CNIH3: variants seen among roughly 807,000 people sequenced by gnomAD.
CNIH3 encodes the protein protein cornichon homolog 3.
In CNIH3, 14 loss-of-function variants were observed where a neutral mutation model predicts 24.1. That is an observed-to-expected ratio of 0.58 (90% confidence interval 0.38 to 0.91). The LOEUF (loss-of-function observed/expected upper bound fraction) is 0.91. Ranked by LOEUF, CNIH3 falls within the 40% of genes least tolerant of loss-of-function variation. The pLI, the probability that CNIH3 is intolerant of heterozygous loss-of-function variation, is 0.00. For missense variants in CNIH3, 178 were observed against 196.8 expected, an observed-to-expected ratio of 0.90 and a Z score of 0.57; for synonymous variants, 68 against 73.8, an observed-to-expected ratio of 0.92 and a Z score of 0.40.
intron 4 of CNIH3, among the ~76,000 whole-genome samples, chr1:224,571,570 C>T (rs1680818546): frequency 6.6e-6 from 1 of 151,920 alleles, no homozygotes; most frequent in Admixed American, 6.6e-5. Flanking sequence ...ACTAAAAATA[C>T]AAAAATTAAC....
chr1:224,682,188 C>T (rs528534225), intron 2 of CNIH3, among the ~76,000 whole-genome samples: 1 of 152,298 alleles, frequency 6.6e-6, no homozygotes, highest in East Asian at 1.9e-4. Flanking sequence ...CTGGAGTTGT[C>T]ATTTTTTTGA....
intron 1 of CNIH3, among the ~76,000 whole-genome samples, chr1:224,644,731 C>T (rs191075914): frequency 2.6e-5 from 4 of 152,324 alleles, no homozygotes; most frequent in East Asian, 1.9e-4. Context: ...AATGCTCAAC[C>T]GTTGCCACTA....
chr1:224,508,235 T>A (rs1366774884), intron 1 of CNIH3, among the ~76,000 whole-genome samples: 1 of 152,236 alleles, frequency 6.6e-6, no homozygotes, highest in Non-Finnish European at 1.5e-5. Flanking sequence ...TCAGATATGT[T>A]TTTTTCTAGA....
intron 3 of CNIH3, among the ~76,000 whole-genome samples, chr1:224,687,279 T>G (rs1686708506): frequency 6.6e-6 from 1 of 152,220 alleles, no homozygotes. Flanking sequence ...CCACCTAGGC[T>G]GGAGTGCAGG....
chr1:224,666,352 A>G (rs1463598628), intron 1 of CNIH3, among the ~76,000 whole-genome samples: 1 of 152,188 alleles, frequency 6.6e-6, no homozygotes, highest in East Asian at 1.9e-4. Flanking sequence ...CAGCAGGGTC[A>G]TGTCCTGTAT....
chr1:224,678,975 A>G (rs1032750333), intron 1 of CNIH3, among the ~76,000 whole-genome samples: 1 of 152,062 alleles, frequency 6.6e-6, no homozygotes, highest in South Asian at 2.1e-4. Flanking sequence ...CTACTACTCA[A>G]CCCTGCCGTT....
At chr1:224,655,782 C>T (rs949930297) in intron 1 of CNIH3, among the ~76,000 whole-genome samples, 2 of 152,114 alleles carry the variant, frequency 1.3e-5, no homozygotes, top group African/African-American at 4.8e-5. Context: ...GAGATCAGTC[C>T]CAAACACATC....
chr1:224,583,763 C>G (rs1012604152), intron 5 of CNIH3, among the ~76,000 whole-genome samples: 2 of 152,106 alleles, frequency 1.3e-5, no homozygotes, highest in Non-Finnish European at 2.9e-5. Flanking sequence ...TGTTATATTC[C>G]CTGGCTAAAA....
At chr1:224,559,113 T>C (rs1041671553) in intron 3 of CNIH3, among the ~76,000 whole-genome samples, 2 of 152,176 alleles carry the variant, frequency 1.3e-5, no homozygotes, top group African/African-American at 4.8e-5. Flanking sequence ...GTTTCATCTT[T>C]CCTTGCAATT....
chr1:224,581,619 T>G (rs1681277029), intron 4 of CNIH3, among the ~76,000 whole-genome samples: 1 of 152,250 alleles, frequency 6.6e-6, no homozygotes, highest in African/African-American at 2.4e-5. Context: ...TAAATTGTGC[T>G]TCTTTTGAAA....
intron 3 of CNIH3, among the ~76,000 whole-genome samples, chr1:224,721,581 A>C (rs1688725727): frequency 6.6e-6 from 1 of 152,210 alleles, no homozygotes; most frequent in Non-Finnish European, 1.5e-5. Flanking sequence ...GTGTGAAGAA[A>C]CTGGCAGAGG....
chr1:224,693,182 C>T (rs982649281), intron 3 of CNIH3, among the ~76,000 whole-genome samples: 2 of 152,104 alleles, frequency 1.3e-5, no homozygotes, highest in East Asian at 1.9e-4. Flanking sequence ...TTCCTTGATG[C>T]GTAAACTGTG....
chr1:224,699,872 T>C (rs1687387651), intron 3 of CNIH3, among the ~76,000 whole-genome samples: 2 of 152,140 alleles, frequency 1.3e-5, no homozygotes, highest in African/African-American at 4.8e-5. Context: ...GGTTGCCATG[T>C]GGGGGTCATT....
intron 2 of CNIH3, among the ~76,000 whole-genome samples, chr1:224,544,754 C>T (rs747329448): frequency 6.6e-6 from 1 of 152,196 alleles, no homozygotes; most frequent in Non-Finnish European, 1.5e-5. Context: ...GGCACTACTA[C>T]GACCACCACC....
chr1:224,533,042 T>C (rs1340952948), intron 2 of CNIH3, among the ~76,000 whole-genome samples: 3 of 152,158 alleles, frequency 2.0e-5, no homozygotes, highest in Non-Finnish European at 4.4e-5. Flanking sequence ...GAGAAATTTA[T>C]GTGGGCTGGC....
In CNIH3 at chr1:224,510,215, G is replaced by A. The variant is rs184879753; in HGVS notation, n.204-5526G>A. Among the ~76,000 whole-genome samples, 580 of 152,288 alleles carry A rather than the reference G, an allele frequency of 3.8e-3. 3 individuals carry two copies. The highest frequency in any genetic ancestry group is 5.4e-3 in the Non-Finnish European group (369 of 68,026). On this transcript the variant is annotated intron_variant and non_coding_transcript_variant, in intron 1 of 5. Coordinates refer to the CNIH3 transcript ENST00000471578. ...TGAGAGGCTCTGTTACTGGGAAGGG[G>A]GAGCAGAGGTAGAAGAAGCTGGAGG...
intron 1 of CNIH3, among the ~76,000 whole-genome samples, chr1:224,672,668 C>T (rs74146246): frequency 6.6e-6 from 1 of 152,138 alleles, no homozygotes; most frequent in African/African-American, 2.4e-5. Flanking sequence ...ATAAAGATGA[C>T]CCCATCTTTT....
At chr1:224,643,439 C>T (rs1684456013) in intron 1 of CNIH3, among the ~76,000 whole-genome samples, 1 of 152,216 alleles carries the variant, frequency 6.6e-6, no homozygotes, top group Non-Finnish European at 1.5e-5. Context: ...CACTGGCCTG[C>T]TTTGGCCCCG....
downstream of CNIH3, among the ~76,000 whole-genome samples, chr1:224,591,980 C>T (rs1294995739): frequency 6.6e-6 from 1 of 152,138 alleles, no homozygotes; most frequent in Admixed American, 6.5e-5. Flanking sequence ...AATTATAAAC[C>T]ACTTTTGTGG....
Sources: gnomAD v4.1 joint callset for allele counts (sites outside exome capture counted in the v4.1 genomes callset) on GRCh38, gnomAD v4.1.1 for gene constraint, MANE v1.5 for transcripts, NCBI Gene and HGNC (gene_info 2026-07-23, HGNC 2026-07-21) for gene names.